The following POU6F2 variants were observed in gnomAD, a reference collection of about 807,000 sequenced individuals.
POU6F2 encodes the protein POU domain, class 6, transcription factor 2.
A neutral mutation model predicts 71.3 loss-of-function variants in POU6F2; 31 were observed. The ratio of observed to expected loss-of-function variants is 0.43; its 90% CI spans 0.33 to 0.59. The LOEUF (loss-of-function observed/expected upper bound fraction) is 0.59, where lower values mean the gene tolerates loss of function less well. Among genes scored for constraint, POU6F2 ranks in the 20% least tolerant of loss-of-function variants. The probability of loss-of-function intolerance (pLI) is 0.04; values close to 1 mark genes in which losing one functional copy is unlikely to be tolerated. For synonymous variants in POU6F2, 347 were observed against 355.7 expected (o/e 0.98, Z 0.27); for missense variants, 783 against 856.8 (o/e 0.91, Z 1.07).
At chr7:39,155,233 GCTATTA>G in intron 2 of POU6F2, among the ~76,000 whole-genome samples, 1 of 140,548 alleles carries the variant, frequency 7.1e-6, no homozygotes. Flanking sequence ...TATTTCTCTT[GCTATTA>G]CTGAGTTTTT....
chr7:39,015,192 T>C (rs2128704687), intron 1 of POU6F2, among the ~76,000 whole-genome samples: 1 of 148,830 alleles, frequency 6.7e-6, no homozygotes, highest in Admixed American at 6.8e-5. Flanking sequence ...AAGATGGCTA[T>C]TAATGGTATG....
At chr7:39,177,499 G>T (rs184263458) in intron 2 of POU6F2, among the ~76,000 whole-genome samples, 1 of 152,176 alleles carries the variant, frequency 6.6e-6, no homozygotes, top group Non-Finnish European at 1.5e-5. Context: ...GGAAAGAAGC[G>T]AAAGAAAAAT....
At chr7:39,016,208 T>G (rs1350519405) in intron 1 of POU6F2, among the ~76,000 whole-genome samples, 1 of 141,258 alleles carries the variant, frequency 7.1e-6, no homozygotes, top group Non-Finnish European at 1.5e-5. Flanking sequence ...TAGATGTATA[T>G]AAGATTACCT....
chr7:39,045,188 C>T (rs1179216177), intron 1 of POU6F2, among the ~76,000 whole-genome samples: 4 of 151,926 alleles, frequency 2.6e-5, no homozygotes, highest in East Asian at 1.9e-4. Context: ...CAATAAGCAT[C>T]GCGAATTCGC....
chr7:39,278,819 T>C (rs1460188841), intron 4 of POU6F2, among the ~76,000 whole-genome samples: 1 of 152,192 alleles, frequency 6.6e-6, no homozygotes, highest in Non-Finnish European at 1.5e-5. Context: ...AGCATTTTTG[T>C]GCATGGCATC....
In POU6F2 at chr7:39,090,271, T is replaced by C. The variant is rs1022264331; in HGVS notation, c.277+4240T>C. 5.3e-5 allele frequency among the ~76,000 whole-genome samples: 8 copies of C among 152,278 alleles called. 1 individual carries two copies. The highest frequency in any genetic ancestry group is 2.0e-4 in the Admixed American group (3 of 15,286). ...TTCTGTGATCTTTCTCACAGAAACA[T>C]GCATTATAAGATTTTTTTCTTTCAA... On this transcript the variant is annotated intron_variant, in intron 2 of 9. Coordinates refer to ENST00000518318, the MANE Select transcript of POU6F2 (RefSeq NM_001370959.1).
At chr7:39,375,642 A>G (rs551498244) in intron 5 of POU6F2, among the ~76,000 whole-genome samples, 1 of 150,484 alleles carries the variant, frequency 6.6e-6, no homozygotes, top group Non-Finnish European at 1.5e-5. Flanking sequence ...TTTTTCAAAT[A>G]TTTAAGATTC....
At chr7:39,247,085 C>G (rs921956632) in intron 4 of POU6F2, among the ~76,000 whole-genome samples, 8 of 151,982 alleles carry the variant, frequency 5.3e-5, no homozygotes, top group African/African-American at 1.9e-4. Flanking sequence ...CCTGATGGTC[C>G]AAGCTCTGTG....
At chr7:39,289,838 C>T (rs1194741697) in intron 4 of POU6F2, among the ~76,000 whole-genome samples, 1 of 152,050 alleles carries the variant, frequency 6.6e-6, no homozygotes, top group African/African-American at 2.4e-5. Context: ...TGGGGCAATC[C>T]TCATGGGGCT....
At chr7:39,092,705 A>C (rs1325138429) in intron 2 of POU6F2, among the ~76,000 whole-genome samples, 1 of 152,128 alleles carries the variant, frequency 6.6e-6, no homozygotes, top group Non-Finnish European at 1.5e-5. Context: ...TCACCTCCTG[A>C]TTGTCAAAGT....
At chr7:39,371,272 C>T (rs1258959623) in intron 5 of POU6F2, among the ~76,000 whole-genome samples, 3 of 151,940 alleles carry the variant, frequency 2.0e-5, no homozygotes, top group East Asian at 3.9e-4. Flanking sequence ...CTCCGCCTCC[C>T]GGGTTCAAGC....
chr7:38,978,271 T>C (rs1788230467), intron 1 of POU6F2, among the ~76,000 whole-genome samples: 1 of 152,168 alleles, frequency 6.6e-6, no homozygotes, highest in African/African-American at 2.4e-5. Flanking sequence ...AAACAAAAAC[T>C]AAAACAACAA....
rs183326315 is a variant in POU6F2, at chr7:39,095,081, C to G, written c.277+9050C>G. Among the ~76,000 whole-genome samples, 10 of 152,252 alleles carry G rather than the reference C, an allele frequency of 6.6e-5. No individual in the cohort carries two copies. The East Asian group carries it at 1.9e-3, about 29-fold the overall frequency. ...CATTTAATTAAATCCATACACTATT[C>G]TATAATCTATGAATGGGTAAATATC... On this transcript the variant is annotated intron_variant, in intron 2 of 9. Transcript: ENST00000518318.
chr7:39,160,362 T>C (rs1486536701), intron 2 of POU6F2, among the ~76,000 whole-genome samples: 1 of 152,242 alleles, frequency 6.6e-6, no homozygotes, highest in East Asian at 1.9e-4. Flanking sequence ...CTCCAGTCCG[T>C]CTTGTACTTT....
At chr7:39,073,644 G>A (rs1008329195) in intron 1 of POU6F2, among the ~76,000 whole-genome samples, 5 of 152,236 alleles carry the variant, frequency 3.3e-5, no homozygotes, top group African/African-American at 9.6e-5. Context: ...GGCGCTGGGC[G>A]CAGCCGTGTA....
chr7:39,168,272 A>G (rs986504573), intron 2 of POU6F2, among the ~76,000 whole-genome samples: 9 of 152,168 alleles, frequency 5.9e-5, no homozygotes, highest in Non-Finnish European at 1.3e-4. Context: ...ACATTTTTGT[A>G]TCTGGGTTCT....
At chr7:39,032,788 G>A (rs1789975540) in intron 1 of POU6F2, among the ~76,000 whole-genome samples, 1 of 152,176 alleles carries the variant, frequency 6.6e-6, no homozygotes, top group Admixed American at 6.5e-5. Context: ...CACAGAGCAG[G>A]GGAAATCTCA....
rs376141211 is a variant in POU6F2 at position 39,116,108 on chromosome 7, G to A, written c.277+30077G>A. Among the ~76,000 whole-genome samples, 193 of 152,260 alleles carry A rather than the reference G, an allele frequency of 1.3e-3. 3 individuals carry two copies. In the South Asian group the frequency reaches 0.023, roughly 18 times the overall value. ...TCCAGTTAAAATTATGAAGCGAGCC[G>A]GGATGGTGGCTCACATCTGTAATTC... is the stretch of plus-strand genomic sequence containing the variant. On this transcript the variant is annotated intron_variant, in intron 2 of 9. Transcript: ENST00000518318.
At chr7:39,137,294 G>A (rs1445352534) in intron 2 of POU6F2, among the ~76,000 whole-genome samples, 2 of 151,982 alleles carry the variant, frequency 1.3e-5, no homozygotes, top group Admixed American at 1.3e-4. Context: ...AAAAAGGAAA[G>A]TTAAGAAGCC....
Sources: allele counts gnomAD v4.1 joint callset (sites outside exome capture counted in the v4.1 genomes callset), GRCh38; gene constraint gnomAD v4.1.1; transcripts MANE v1.5; gene names NCBI Gene and HGNC (gene_info 2026-07-23, HGNC 2026-07-21).